LINGO2: variants seen among roughly 807,000 people sequenced by gnomAD.
The protein encoded by LINGO2 is leucine rich repeat and Ig domain containing 2, also known as leucine-rich repeat and immunoglobulin-like domain-containing nogo receptor-interacting protein 2.
LINGO2 carries 14 observed loss-of-function variants against 30.6 expected under a neutral mutation model. The ratio of observed to expected loss-of-function variants is 0.46; its 90% CI spans 0.30 to 0.72. LINGO2 has a LOEUF of 0.72. Ranked by LOEUF, LINGO2 falls within the 30% of genes least tolerant of loss-of-function variation. LINGO2 has a pLI of 0.07. For synonymous variants in LINGO2, 317 were observed against 288.5 expected, an observed-to-expected ratio of 1.10 and a Z score of -1.00; for missense variants, 729 against 751.7, an observed-to-expected ratio of 0.97 and a Z score of 0.35.
the LINGO2 span, among the ~76,000 whole-genome samples, chr9:28,872,179 G>A: frequency 5.3e-5 from 8 of 151,984 alleles, no homozygotes; most frequent in Non-Finnish European, 1.0e-4. Context: ...AAAATGATGG[G>A]CATGATAAAA....
the LINGO2 span, among the ~76,000 whole-genome samples, chr9:28,742,281 T>TTTTA: frequency 4.8e-5 from 7 of 147,138 alleles, no homozygotes; most frequent in Admixed American, 2.0e-4. Flanking sequence ...TTTTTTTTTT[T>TTTTA]AATTTCTGCA....
intron 5 of LINGO2, among the ~76,000 whole-genome samples, chr9:27,999,712 A>G (rs571469679): frequency 6.6e-6 from 1 of 152,316 alleles, no homozygotes; most frequent in South Asian, 2.1e-4. Flanking sequence ...CTCTAAGTCC[A>G]ATGAAAGACT....
rs1380677585 is a variant in LINGO2, at chr9:28,189,675, G to A, written c.-87+105533C>T. On this transcript the variant is annotated intron_variant, in intron 4 of 5. Transcript: ENST00000379992. The stretch of plus-strand genomic sequence containing the variant: ...AGGAAGGAAGGAAGGAAGGGAGGAA[G>A]GAAGGAAGGGAGGAAGGAAGGGAGG... Among the ~76,000 whole-genome samples, 26 of 83,530 alleles carry A rather than the reference G, an allele frequency of 3.1e-4. 2 individuals carry two copies. Among genetic ancestry groups the A allele is most frequent in the African/African-American group, 4.5e-4 (10 of 22,282 alleles). The allele number at this position is 83,530 out of a possible 152,430, so 54.8% of individuals were successfully genotyped here. A position where few individuals can be genotyped will look rare whatever the true frequency, so the allele number is the denominator to read the frequency against.
the LINGO2 span, among the ~76,000 whole-genome samples, chr9:29,048,879 GA>G: frequency 2.0e-4 from 30 of 152,040 alleles, no homozygotes; most frequent in Admixed American, 1.4e-3. Flanking sequence ...AAAACATTGA[GA>G]AAAATCTCCA....
At chr9:28,164,044 A>T (rs1003134789) in intron 4 of LINGO2, among the ~76,000 whole-genome samples, 10 of 152,284 alleles carry the variant, frequency 6.6e-5, no homozygotes, top group African/African-American at 2.4e-4. Flanking sequence ...ATCAGGAGTA[A>T]ATTTTCTCTA....
intron 2 of LINGO2, among the ~76,000 whole-genome samples, chr9:28,460,010 A>G (rs897194021): frequency 2.3e-4 from 35 of 152,094 alleles, no homozygotes; most frequent in African/African-American, 8.2e-4. Flanking sequence ...TGAGGCATAT[A>G]TTTATTCTTG....
chr9:28,089,010 G>C (rs1242546284), intron 4 of LINGO2, among the ~76,000 whole-genome samples: 1 of 152,134 alleles, frequency 6.6e-6, no homozygotes, highest in African/African-American at 2.4e-5. Flanking sequence ...AACAAGAAGA[G>C]CTAACTATCC....
chr9:28,915,248 T>G, the LINGO2 span, among the ~76,000 whole-genome samples: 1 of 152,200 alleles, frequency 6.6e-6, no homozygotes, highest in Non-Finnish European at 1.5e-5. Flanking sequence ...TCAAGTTTAT[T>G]TTTTCTGTCT....
the LINGO2 span, among the ~76,000 whole-genome samples, chr9:28,831,486 A>T: frequency 1.3e-5 from 2 of 152,120 alleles, no homozygotes; most frequent in Non-Finnish European, 2.9e-5. Context: ...GGAGTGAGTG[A>T]GTCATGTTCT....
At chr9:28,301,108 T>C (rs1044581899) in intron 3 of LINGO2, among the ~76,000 whole-genome samples, 17 of 152,112 alleles carry the variant, frequency 1.1e-4, no homozygotes, top group Non-Finnish European at 2.4e-4. Flanking sequence ...TAAATGTAAA[T>C]ATAGTGTGGC....
At chr9:28,778,877 A>G in the LINGO2 span, among the ~76,000 whole-genome samples, 1 of 152,180 alleles carries the variant, frequency 6.6e-6, no homozygotes, top group African/African-American at 2.4e-5. Context: ...AACAGCAAAT[A>G]CATGGAAGCA....
chr9:29,007,859 G>C, the LINGO2 span, among the ~76,000 whole-genome samples: 791 of 152,102 alleles, frequency 5.2e-3, 5 homozygotes, highest in Non-Finnish European at 8.4e-3. Flanking sequence ...AAGAGTTAAG[G>C]GCTGAAGATA....
the LINGO2 span, among the ~76,000 whole-genome samples, chr9:29,207,015 ATGTG>A: frequency 1.3e-5 from 2 of 150,114 alleles, no homozygotes; most frequent in African/African-American, 2.4e-5. Flanking sequence ...ATCAGGCTAT[ATGTG>A]TGTGTGTGTG....
the LINGO2 span, among the ~76,000 whole-genome samples, chr9:28,948,097 T>C: frequency 3.3e-5 from 5 of 152,082 alleles, no homozygotes; most frequent in Admixed American, 1.3e-4. Flanking sequence ...ATTGCTTGCA[T>C]TTTCAGGTAA....
At chr9:29,144,955 C>T in the LINGO2 span, among the ~76,000 whole-genome samples, 1 of 151,950 alleles carries the variant, frequency 6.6e-6, no homozygotes, top group East Asian at 1.9e-4. Context: ...GAAGGCTTAC[C>T]AAGTTTTGGA....
At position 28,500,282 on chromosome 9, in the gene LINGO2, G is replaced by A. The variant is rs1393201946; in HGVS notation, c.-364-24257C>T. 3.9e-5 allele frequency among the ~76,000 whole-genome samples: 6 copies of A among 152,036 alleles called. No homozygotes were observed. The East Asian group carries it at 9.7e-4, about 24-fold the overall frequency. ...ACTAGCAACATATTTCACCTTATTA[G>A]ACATCCTTCTCCTTCCTAATAACTG... On this transcript the variant is annotated intron_variant, in intron 1 of 5. Coordinates refer to ENST00000379992, the Ensembl canonical transcript of LINGO2.
chr9:28,645,783 G>A (rs1265417772), intron 1 of LINGO2, among the ~76,000 whole-genome samples: 1 of 152,044 alleles, frequency 6.6e-6, no homozygotes, highest in Admixed American at 6.6e-5. Context: ...AAGTTATCAG[G>A]TAAAGAGTGT....
chr9:28,238,668 G>A (rs1363402984), intron 4 of LINGO2, among the ~76,000 whole-genome samples: 1 of 152,034 alleles, frequency 6.6e-6, no homozygotes, highest in East Asian at 1.9e-4. Context: ...AAAATCTGTA[G>A]CTATAAATGC....
At chr9:28,760,995 T>A in the LINGO2 span, among the ~76,000 whole-genome samples, 1 of 133,748 alleles carries the variant, frequency 7.5e-6, no homozygotes, top group Non-Finnish European at 1.6e-5. Flanking sequence ...ACAGTTTCCT[T>A]ATCCACTCAC....
Sources: allele counts gnomAD v4.1 joint callset (sites outside exome capture counted in the v4.1 genomes callset), GRCh38; gene constraint gnomAD v4.1.1; transcripts MANE v1.5; gene names NCBI Gene and HGNC (gene_info 2026-07-23, HGNC 2026-07-21).